The following PIEZO2 variants were observed in gnomAD, a reference collection of about 807,000 sequenced individuals.
The protein encoded by PIEZO2 is piezo type mechanosensitive ion channel component 2, also known as piezo-type mechanosensitive ion channel component 2.
In PIEZO2, 172 loss-of-function variants were observed where a neutral mutation model predicts 337.3. The ratio of observed to expected loss-of-function variants is 0.51; its 90% CI spans 0.45 to 0.58. The LOEUF (loss-of-function observed/expected upper bound fraction) is 0.58. PIEZO2 is among the 20% of genes least tolerant of loss of function. PIEZO2 has a pLI of 0.00. For synonymous variants in PIEZO2, 1,251 were observed against 1,228.5 expected, an observed-to-expected ratio of 1.02 and a Z score of -0.38; for missense variants, 3,028 against 3,391.3, an observed-to-expected ratio of 0.89 and a Z score of 2.66.
At chr18:11,013,241 T>A (rs570803221) in intron 2 of PIEZO2, among the ~76,000 whole-genome samples, 23 of 152,208 alleles carry the variant, frequency 1.5e-4, no homozygotes, top group Admixed American at 1.4e-3. Flanking sequence ...GGTATTTACA[T>A]GAGAAAGAAG....
At position 11,003,967 on chromosome 18, in the gene PIEZO2, T is replaced by C. The variant is rs1177440034; in HGVS notation, c.161-24307A>G. ...TGCTTTTACTTTGTTTTCTAACCCA[T>C]GTTATGCCTTCCACAACTCTGACCC... On this transcript the variant is annotated intron_variant, in intron 2 of 55. Transcript: ENST00000674853. This position sits in a 1 kb window ranked among gnomAD's most constrained non-coding sequence, Gnocchi z 4.6. 6.6e-6 allele frequency among the ~76,000 whole-genome samples: 1 copy of C among 152,236 alleles called. No individual in the cohort carries two copies. Among genetic ancestry groups the C allele is most frequent in the Non-Finnish European group, 1.5e-5 (1 of 68,044 alleles).
At chr18:10,909,104 T>A (rs187920864) in intron 4 of PIEZO2, among the ~76,000 whole-genome samples, 1 of 152,316 alleles carries the variant, frequency 6.6e-6, no homozygotes, top group Non-Finnish European at 1.5e-5. Context: ...GCCATCTAAC[T>A]GTGCAGGAAA....
intron 15 of PIEZO2, 136 bp from the exon 16 acceptor site, chr18:10,787,320 G>C: frequency 1.1e-6 from 1 of 949,898 alleles, no homozygotes; most frequent in Non-Finnish European, 1.5e-6. Flanking sequence ...TTCATTTCTA[G>C]TTTTTAATGT....
In PIEZO2 at chr18:10,988,634, GTTTACTA is replaced by G. The variant is rs1339046542; in HGVS notation, c.161-8981_161-8975del. ...GTCAAAAACCTATCTGCACACCCATGTTTACTACAGCATTATGCAAAACAACCAAGAT... is the reference window on the plus strand; with the variant it reads ...GTCAAAAACCTATCTGCACACCCATGCAGCATTATGCAAAACAACCAAGAT... On this transcript the variant is annotated intron_variant, in intron 2 of 55. Transcript: ENST00000674853. This position sits in a 1 kb window ranked among gnomAD's most constrained non-coding sequence, Gnocchi z 4.8. 6.6e-6 allele frequency among the ~76,000 whole-genome samples: 1 copy of G among 152,138 alleles called. No individual in the cohort carries two copies. Among genetic ancestry groups the G allele is most frequent in the Non-Finnish European group, 1.5e-5 (1 of 68,026 alleles).
chr18:11,052,242 A>T (rs539529673), intron 2 of PIEZO2, among the ~76,000 whole-genome samples: 14 of 152,354 alleles, frequency 9.2e-5, no homozygotes, highest in Middle Eastern at 3.4e-3. Context: ...ACCTCTCCAG[A>T]TTAATCTCTG....
At position 10,775,718 on chromosome 18, in the gene PIEZO2, G is replaced by C. The variant is rs1158805396; in HGVS notation, c.2535-1680C>G. On this transcript the variant is annotated intron_variant, in intron 18 of 55. Coordinates refer to ENST00000674853, the MANE Select transcript of PIEZO2 (RefSeq NM_001378183.1). This position sits in a 1 kb window ranked among gnomAD's most constrained non-coding sequence, Gnocchi z 4.3. ...TCGTTCAATGAAAGAATCAGAGGAA[G>C]ACACTGGAGTAAGCCTTTTGGAAGT... is the stretch of plus-strand genomic sequence containing the variant. Among the ~76,000 whole-genome samples, 1 of 152,148 alleles carries C rather than the reference G, an allele frequency of 6.6e-6. No homozygotes were observed. Among genetic ancestry groups the C allele is most frequent in the East Asian group, 1.9e-4 (1 of 5,172 alleles).
intron 5 of PIEZO2, among the ~76,000 whole-genome samples, chr18:10,865,349 AGGGAAGCTCAAGT>A (rs1281403323): frequency 1.3e-5 from 2 of 152,248 alleles, no homozygotes; most frequent in Non-Finnish European, 2.9e-5. Flanking sequence ...TAGGGTAAGA[AGGGAAGCTCAAGT>A]GGGGAGATCC....
chr18:10,912,760 C>T (rs1429966132), intron 3 of PIEZO2, among the ~76,000 whole-genome samples: 1 of 152,142 alleles, frequency 6.6e-6, no homozygotes, highest in Non-Finnish European at 1.5e-5. Flanking sequence ...CCCAAGAGAT[C>T]ATGATCATGG....
intron 2 of PIEZO2, among the ~76,000 whole-genome samples, chr18:11,017,992 C>T (rs754838149): frequency 1.8e-4 from 28 of 152,070 alleles, no homozygotes; most frequent in Non-Finnish European, 3.1e-4. Flanking sequence ...AATAACCAAA[C>T]AAATAAAAAA....
At chr18:10,758,170 A>T in intron 26 of PIEZO2, 36 bp from the exon 27 acceptor site, 1 of 1,528,860 alleles carries the variant, frequency 6.5e-7, no homozygotes, top group South Asian at 1.2e-5. Flanking sequence ...AAGCCGCCTC[A>T]TCCTCTTCTG....
chr18:10,911,502 C>G (rs1203329746), intron 3 of PIEZO2, among the ~76,000 whole-genome samples: 1 of 151,068 alleles, frequency 6.6e-6, no homozygotes, highest in Non-Finnish European at 1.5e-5. Context: ...CGTCTGTAAT[C>G]CCAGCACTCC....
At chr18:10,910,706 G>A (rs964501846) in intron 4 of PIEZO2, among the ~76,000 whole-genome samples, 2 of 152,190 alleles carry the variant, frequency 1.3e-5, no homozygotes, top group African/African-American at 2.4e-5. Context: ...TTGGGGAGAT[G>A]CTGGTGTGGA....
chr18:10,720,234 G>GCATATATA (rs1555631512), intron 36 of PIEZO2, among the ~76,000 whole-genome samples: 1 of 119,920 alleles, frequency 8.3e-6, no homozygotes, highest in African/African-American at 3.3e-5. Flanking sequence ...GTGTGTGTGT[G>GCATATATA]TATATATATA....
At chr18:10,919,332 G>A (rs9964303) in intron 3 of PIEZO2, among the ~76,000 whole-genome samples, 1 of 151,918 alleles carries the variant, frequency 6.6e-6, no homozygotes, top group African/African-American at 2.4e-5. Flanking sequence ...TAGAACTGAT[G>A]AATGTTTATC....
At chr18:10,825,836 C>T (rs2040659755) in intron 7 of PIEZO2, among the ~76,000 whole-genome samples, 1 of 152,098 alleles carries the variant, frequency 6.6e-6, no homozygotes. Flanking sequence ...TGGGTGTGAG[C>T]CACCATGCCT....
chr18:11,106,201 C>T (rs1012562192), intron 1 of PIEZO2, among the ~76,000 whole-genome samples: 2 of 152,072 alleles, frequency 1.3e-5, no homozygotes, highest in Non-Finnish European at 2.9e-5. Context: ...ATTCTCCTGC[C>T]TCAGCCTCCC....
rs1393455278 is a variant in PIEZO2 at position 11,148,680 on chromosome 18, C to T, written c.-92G>A. 1.5e-6 allele frequency: 2 copies of T among 1,366,128 alleles called. No individual in the cohort carries two copies. Among genetic ancestry groups the T allele is most frequent in the East Asian group, 2.6e-5 (1 of 38,704 alleles). 84.6% of individuals were successfully genotyped at this position (1,366,128 alleles called of 1,614,324 possible). A position where few individuals can be genotyped will look rare whatever the true frequency, so the allele number is the denominator to read the frequency against. ...AGGCCCATGCCCGTCTATGGCCTCTCGCCGCCGGCAGCTCGCAGCCACCCG... is the reference window on the plus strand; with the variant it reads ...AGGCCCATGCCCGTCTATGGCCTCTTGCCGCCGGCAGCTCGCAGCCACCCG... On this transcript the variant is annotated 5_prime_UTR_variant, in exon 1 of 56. Transcript: ENST00000674853. This position sits in a 1 kb window ranked among gnomAD's most constrained non-coding sequence, Gnocchi z 5.2.
At chr18:10,825,532 A>G (rs1054254872) in intron 7 of PIEZO2, among the ~76,000 whole-genome samples, 2 of 123,712 alleles carry the variant, frequency 1.6e-5, no homozygotes, top group East Asian at 2.3e-4. Flanking sequence ...TTTTTTTTCC[A>G]CTTTCTTTCC....
intron 2 of PIEZO2, among the ~76,000 whole-genome samples, chr18:11,029,524 A>T (rs2036654983): frequency 6.6e-6 from 1 of 152,192 alleles, no homozygotes; most frequent in Non-Finnish European, 1.5e-5. Context: ...TCTTTCAAAC[A>T]AGCAAATTAG....
Sources: allele counts gnomAD v4.1 joint callset (sites outside exome capture counted in the v4.1 genomes callset), GRCh38; gene constraint gnomAD v4.1.1; non-coding constraint Gnocchi (gnomAD v3.1); transcripts MANE v1.5; gene names NCBI Gene and HGNC (gene_info 2026-07-23, HGNC 2026-07-21).